The following SYTL5 variants were observed in gnomAD, a reference collection of about 807,000 sequenced individuals.
The protein encoded by SYTL5 is synaptotagmin like 5, also known as synaptotagmin-like protein 5.
In SYTL5, 34 loss-of-function variants were observed where a neutral mutation model predicts 55.9. That is an observed-to-expected ratio of 0.61 (90% CI 0.46 to 0.81). SYTL5 has a LOEUF of 0.81. SYTL5 is among the 30% of genes least tolerant of loss of function. The pLI is 0.00. For missense variants in SYTL5, 637 were observed against 546.7 expected, an observed-to-expected ratio of 1.17 and a Z score of -1.65; for synonymous variants, 221 against 188.7, an observed-to-expected ratio of 1.17 and a Z score of -1.40.
the SYTL5 span, among the ~76,000 whole-genome samples, chrX:37,900,589 G>A: frequency 6.2e-5 from 7 of 112,068 alleles, no homozygotes; most frequent in African/African-American, 1.9e-4. Context: ...CAAGAAGGGA[G>A]AAATATATAG....
the SYTL5 span, among the ~76,000 whole-genome samples, chrX:37,913,426 G>A: frequency 3.6e-5 from 4 of 112,636 alleles, no homozygotes; most frequent in African/African-American, 1.3e-4. Context: ...GACATCTTTT[G>A]TGCCTCACTG....
Position 38,110,450 on chromosome X carries a change from C to A in SYTL5, c.1564C>A (p.Pro522Thr), listed in dbSNP as rs1048355913. The A allele has an allele frequency of 7.5e-6, 9 of 1,206,519 alleles. No individual in the cohort carries two copies. The highest frequency in any genetic ancestry group is 1.7e-5 in the African/African-American group (1 of 57,611). Residue 522 changes from proline (P) to threonine (T), a missense_variant, in exon 13 of 17, where the codon CCA becomes ACA. By Grantham distance (38) the Pro-to-Thr change is conservative (BLOSUM62 -1). Transcript: ENST00000297875. ...IPFDSWNFEN[P>T]TDEWFVLQPK... ...TTTTGACTCATGGAACTTTGAAAAT[C>A]CAACTGATGAGTGGTTTGTGCTTCA...
the SYTL5 span, among the ~76,000 whole-genome samples, chrX:37,982,615 G>C: frequency 1.8e-5 from 2 of 111,574 alleles, no homozygotes; most frequent in African/African-American, 6.5e-5. Flanking sequence ...AATAATGTAT[G>C]TCATACATGT....
intron 10 of SYTL5, among the ~76,000 whole-genome samples, chrX:38,104,928 A>AGCCAAGAAAC (rs1424570390): frequency 8.9e-6 from 1 of 112,324 alleles, no homozygotes; most frequent in African/African-American, 3.2e-5. Context: ...ACCAAACCCT[A>AGCCAAGAAAC]GCCAAGAAAC....
the SYTL5 span, among the ~76,000 whole-genome samples, chrX:37,998,913 C>T: frequency 8.9e-6 from 1 of 112,484 alleles, no homozygotes; most frequent in Non-Finnish European, 1.9e-5. Context: ...AGAAGGATTC[C>T]TTCTCTAATT....
intron 3 of SYTL5, among the ~76,000 whole-genome samples, chrX:38,064,670 T>A (rs1021758266): frequency 9.0e-6 from 1 of 111,511 alleles, no homozygotes; most frequent in Non-Finnish European, 1.9e-5. Flanking sequence ...GCATACATGT[T>A]TTTCCAACAT....
At chrX:38,080,443 C>T (rs1301543971) in intron 6 of SYTL5, among the ~76,000 whole-genome samples, 4 of 111,239 alleles carry the variant, frequency 3.6e-5, no homozygotes, top group African/African-American at 9.8e-5. Context: ...CTCCACTCCA[C>T]GCACACCAGT....
chrX:37,962,684 C>T, the SYTL5 span, among the ~76,000 whole-genome samples: 1 of 112,150 alleles, frequency 8.9e-6, no homozygotes, highest in South Asian at 3.8e-4. Flanking sequence ...GTTTACAGTC[C>T]TATCAACAGT....
chrX:37,919,517 G>T, the SYTL5 span, among the ~76,000 whole-genome samples: 2 of 111,638 alleles, frequency 1.8e-5, no homozygotes, highest in Admixed American at 9.6e-5. Context: ...ATACCTAAAA[G>T]GTGATCATAT....
chrX:37,918,845 G>T, the SYTL5 span, among the ~76,000 whole-genome samples: 1 of 110,897 alleles, frequency 9.0e-6, no homozygotes, highest in Non-Finnish European at 1.9e-5. Context: ...CCAGCACAAA[G>T]TTCACATTCT....
intron 9 of SYTL5, 102 bp from the exon 10 acceptor site, chrX:38,102,240 T>A: frequency 1.9e-6 from 1 of 528,872 alleles, no homozygotes; most frequent in East Asian, 3.6e-5. Flanking sequence ...AAATTTTTTA[T>A]CTGATTCTCA....
rs779726419 is a variant in SYTL5 at position 38,051,513 on chromosome X, TATTA to T, written c.120-2695_120-2692del. Among the ~76,000 whole-genome samples the T allele has an allele frequency of 6.6e-4, 74 of 111,661 alleles. 1 individual carries two copies. Among genetic ancestry groups the T allele is most frequent in the African/African-American group, 2.1e-3 (64 of 30,771 alleles). ...CATCTATTTTAGACATTTTTTAAATTATTAATTATTATCCATTTCAATCTCCTTC... is the reference window on the plus strand; with the variant it reads ...CATCTATTTTAGACATTTTTTAAATTATTATTATCCATTTCAATCTCCTTC... On this transcript the variant is annotated intron_variant, in intron 2 of 16. Transcript: ENST00000297875.
intron 3 of SYTL5, among the ~76,000 whole-genome samples, chrX:38,058,425 A>G (rs371704024): frequency 2.7e-5 from 3 of 111,035 alleles, no homozygotes; most frequent in East Asian, 5.6e-4. Flanking sequence ...TCTTTGCTAT[A>G]TCTCTATGCT....
chrX:38,032,685 T>C lies in SYTL5; in HGVS notation c.-356-849T>C, dbSNP rs543833711. On this transcript the variant is annotated intron_variant, in intron 1 of 16. Coordinates refer to ENST00000297875, the MANE Select transcript of SYTL5 (RefSeq NM_138780.3). ...GCAAGTTATATACTTCACATATATA[T>C]GTATATATGTATATGCTATCATTTT... is the stretch of plus-strand genomic sequence containing the variant. Among the ~76,000 whole-genome samples, 54 of 111,403 alleles carry C rather than the reference T, an allele frequency of 4.8e-4. No homozygotes were observed. In the South Asian group the frequency reaches 0.02, roughly 41 times the overall value.
the SYTL5 span, among the ~76,000 whole-genome samples, chrX:37,897,168 A>G: frequency 1.8e-5 from 2 of 112,076 alleles, no homozygotes; most frequent in Non-Finnish European, 3.8e-5. Flanking sequence ...CAAAGAAGTC[A>G]GAGTGCTGGA....
chrX:37,897,188 A>G, the SYTL5 span, among the ~76,000 whole-genome samples: 7 of 112,019 alleles, frequency 6.2e-5, no homozygotes, highest in Non-Finnish European at 1.1e-4. Context: ...AGCACTATAA[A>G]AGATGAGGGC....
At chrX:37,998,471 G>T in the SYTL5 span, among the ~76,000 whole-genome samples, 2 of 111,915 alleles carry the variant, frequency 1.8e-5, no homozygotes, top group Admixed American at 1.9e-4. Context: ...CGTGCGCCTG[G>T]TCCAGTGGCA....
At position 38,110,384 on chromosome X, in the gene SYTL5, C is replaced by A. The variant is rs1937330490; in HGVS notation, c.1498C>A (p.Arg500=). The change falls in exon 13 of 17, where the codon CGA becomes AGA. Residue 500 remains arginine, a synonymous_variant. Coordinates refer to ENST00000297875, the MANE Select transcript of SYTL5 (RefSeq NM_138780.3). ...GCAGCTCTCAGTCTGGCACTATGATCGATTTGGACGTAATAGCTTCCTCGG... is the reference window on the plus strand; with the variant it reads ...GCAGCTCTCAGTCTGGCACTATGATAGATTTGGACGTAATAGCTTCCTCGG... ...TLQLSVWHYD[R]FGRNSFLGEV... 8.3e-7 allele frequency: 1 copy of A among 1,206,419 alleles called. No homozygotes were observed. Among genetic ancestry groups the A allele is most frequent in the Non-Finnish European group, 1.1e-6 (1 of 892,879 alleles).
chrX:38,024,345 GTTCCTCCTTTGCCT>G (rs1934679265), intron 1 of SYTL5, among the ~76,000 whole-genome samples: 1 of 110,964 alleles, frequency 9.0e-6, no homozygotes, highest in Admixed American at 9.6e-5. Flanking sequence ...ACGTGCCTTT[GTTCCTCCTTTGCCT>G]TCCACCATGA....
Sources: allele counts gnomAD v4.1 joint callset (sites outside exome capture counted in the v4.1 genomes callset), GRCh38; gene constraint gnomAD v4.1.1; transcripts MANE v1.5; gene names NCBI Gene and HGNC (gene_info 2026-07-23, HGNC 2026-07-21).